MGST1: variants seen among roughly 807,000 people sequenced by gnomAD.
The protein encoded by MGST1 is microsomal glutathione S-transferase 1.
MGST1 carries 5 observed loss-of-function variants against 8.9 expected under a neutral mutation model. The ratio of observed to expected loss-of-function variants is 0.56; its 90% CI spans 0.29 to 1.19. The LOEUF is 1.19. Ranked by LOEUF, MGST1 falls within the 50% of genes most tolerant of loss-of-function variation. The probability of loss-of-function intolerance (pLI) is 0.08; values close to 1 mark genes in which losing one functional copy is unlikely to be tolerated. For synonymous variants in MGST1, 54 were observed against 67.8 expected, an observed-to-expected ratio of 0.80 and a Z score of 1.00; for missense variants, 182 against 187.4, an observed-to-expected ratio of 0.97 and a Z score of 0.17.
rs944143180 is a variant in MGST1 at position 16,586,198 on chromosome 12, A to T, written n.483-3330A>T. 6.6e-6 allele frequency among the ~76,000 whole-genome samples: 1 copy of T among 152,224 alleles called. No individual in the cohort carries two copies. The highest frequency in any genetic ancestry group is 1.5e-5 in the Non-Finnish European group (1 of 68,040). On this transcript the variant is annotated intron_variant and non_coding_transcript_variant, in intron 4 of 4. Coordinates refer to the MGST1 transcript ENST00000538857. This position sits in a 1 kb window ranked among gnomAD's most constrained non-coding sequence, Gnocchi z 4.3. ...CCAGTTTTTCAGGTAATCTGCCATA[A>T]ATACTATTTCCTTCAGATGACTTCT...
In MGST1 at chr12:16,401,411, GC is replaced by G. The variant is rs1940654747; in HGVS notation, n.778+17808del. The stretch of plus-strand genomic sequence containing the variant: ...CTGGTAATTTTGTTCAGGAGTTCTG[GC>G]TTCTGCTTTTTAGCCACGTCCATGA... On this transcript the variant is annotated intron_variant and non_coding_transcript_variant, in intron 1 of 1. Transcript: ENST00000359720. This position sits in a 1 kb window ranked among gnomAD's most constrained non-coding sequence, Gnocchi z 4.3. The G allele has an allele frequency of 1.0e-6, 1 of 981,288 alleles. No individual in the cohort carries two copies. The highest frequency in any genetic ancestry group is 1.6e-6 in the Non-Finnish European group (1 of 608,300). The allele number at this position is 981,288 out of a possible 1,614,324, so 60.8% of individuals were successfully genotyped here.
chr12:16,476,122 A>C (rs1418284415), intron 4 of MGST1, among the ~76,000 whole-genome samples: 1 of 152,150 alleles, frequency 6.6e-6, no homozygotes, highest in Non-Finnish European at 1.5e-5. Flanking sequence ...ACAATAAAAA[A>C]AGTGGAAAGG....
intron 4 of MGST1, among the ~76,000 whole-genome samples, chr12:16,498,303 G>A (rs1457184447): frequency 6.6e-6 from 1 of 152,106 alleles, no homozygotes; most frequent in African/African-American, 2.4e-5. Flanking sequence ...ATCTCTCCCT[G>A]GAAGCCATCA....
At chr12:16,495,230 C>G (rs1307674238) in intron 4 of MGST1, among the ~76,000 whole-genome samples, 1 of 152,070 alleles carries the variant, frequency 6.6e-6, no homozygotes, top group Non-Finnish European at 1.5e-5. Context: ...AAACCAAATG[C>G]TGTGTTTTCT....
intron 2 of MGST1, among the ~76,000 whole-genome samples, chr12:16,356,976 A>G (rs186097367): frequency 1.0e-3 from 155 of 152,340 alleles, no homozygotes; most frequent in African/African-American, 3.6e-3. Context: ...TGAAAAAGAT[A>G]CCAGTGAACC....
chr12:16,362,218 C>T lies in MGST1; in HGVS notation c.222-1577C>T, dbSNP rs3815566. 0.091 allele frequency among the ~76,000 whole-genome samples: 13,885 copies of T among 152,136 alleles called. 718 individuals are homozygous for T. The highest frequency in any genetic ancestry group is 0.22 in the East Asian group (1,150 of 5,138). ...CCTTCTTTAATAGAAAATGGTATTCCTGTCTTTTCTTTCCCATCTCATTCT... is the reference window on the plus strand; with the variant it reads ...CCTTCTTTAATAGAAAATGGTATTCTTGTCTTTTCTTTCCCATCTCATTCT... On this transcript the variant is annotated intron_variant, in intron 3 of 3. Transcript: ENST00000396210. The surrounding 1 kb of genome is among the most constrained non-coding windows in gnomAD (Gnocchi z 4.4).
intron 4 of MGST1, among the ~76,000 whole-genome samples, chr12:16,533,005 T>TGAGC (rs1302779709): frequency 6.6e-6 from 1 of 152,166 alleles, no homozygotes; most frequent in Non-Finnish European, 1.5e-5. Context: ...GGAAAACATG[T>TGAGC]GAGCATAGCT....
chr12:16,583,798 C>G (rs1161829174), intron 4 of MGST1, among the ~76,000 whole-genome samples: 1 of 152,008 alleles, frequency 6.6e-6, no homozygotes, highest in Non-Finnish European at 1.5e-5. Context: ...TGGGAGGAGA[C>G]ACAGAAGATG....
chr12:16,429,301 G>A (rs1419668046), intron 1 of MGST1, among the ~76,000 whole-genome samples: 1 of 152,088 alleles, frequency 6.6e-6, no homozygotes, highest in Non-Finnish European at 1.5e-5. Flanking sequence ...ATGCTGAGCA[G>A]TTTGAACTAC....
At chr12:16,474,994 C>T (rs1941312274) in intron 4 of MGST1, among the ~76,000 whole-genome samples, 1 of 152,108 alleles carries the variant, frequency 6.6e-6, no homozygotes, top group African/African-American at 2.4e-5. Flanking sequence ...GGCTAATGCA[C>T]CATGTGAACA....
chr12:16,533,478 C>CT (rs1471189237), intron 4 of MGST1, among the ~76,000 whole-genome samples: 1 of 152,066 alleles, frequency 6.6e-6, no homozygotes, highest in African/African-American at 2.4e-5. Flanking sequence ...TTGAGCCTTG[C>CT]TTTTTTCTCG....
At chr12:16,495,407 G>A (rs1941463377) in intron 4 of MGST1, among the ~76,000 whole-genome samples, 1 of 151,912 alleles carries the variant, frequency 6.6e-6, no homozygotes, top group African/African-American at 2.4e-5. Flanking sequence ...CCAAACATCA[G>A]TATTGCACAA....
intron 1 of MGST1, among the ~76,000 whole-genome samples, chr12:16,353,048 G>A (rs1242752673): frequency 6.7e-6 from 1 of 150,268 alleles, no homozygotes; most frequent in Non-Finnish European, 1.5e-5. Flanking sequence ...TTTTTTTGGA[G>A]GGGGAGACAG....
rs949116197 is a variant in MGST1, at chr12:16,361,246, G to A, written c.222-2549G>A. On this transcript the variant is annotated intron_variant, in intron 3 of 3. Transcript: ENST00000396210. The surrounding 1 kb of genome is among the most constrained non-coding windows in gnomAD (Gnocchi z 4.2). ...AAAAGCCTGCTGTGCAGCTCCTTTT[G>A]TAGTTGTTCACAGCCTGACAATCCC... Among the ~76,000 whole-genome samples, 1 of 152,182 alleles carries A rather than the reference G, an allele frequency of 6.6e-6. No homozygotes were observed. The highest frequency in any genetic ancestry group is 2.4e-5 in the African/African-American group (1 of 41,452).
chr12:16,395,794 T>TACACACAC (rs71054815), intron 1 of MGST1, among the ~76,000 whole-genome samples: 6 of 133,410 alleles, frequency 4.5e-5, no homozygotes, highest in South Asian at 2.3e-4. Flanking sequence ...TATATATATA[T>TACACACAC]ATATATATAT....
At chr12:16,525,295 CT>C (rs1314209042) in intron 4 of MGST1, among the ~76,000 whole-genome samples, 1 of 124,746 alleles carries the variant, frequency 8.0e-6, no homozygotes, top group East Asian at 2.8e-4. Context: ...TCCCTCCCCC[CT>C]CCCCCCACCC....
downstream of MGST1, among the ~76,000 whole-genome samples, chr12:16,366,656 CACACACACATACACACACACAT>C (rs1940196857): frequency 3.5e-5 from 2 of 56,624 alleles, no homozygotes; most frequent in East Asian, 7.9e-4. This position sits in a 1 kb window ranked among gnomAD's most constrained non-coding sequence, Gnocchi z 4.0. Flanking sequence ...CACACACACA[CACACACACATACACACACACAT>C]ACTACCATCA....
intron 3 of MGST1, among the ~76,000 whole-genome samples, chr12:16,359,236 A>C (rs932870606): frequency 6.6e-5 from 10 of 152,040 alleles, no homozygotes; most frequent in African/African-American, 2.4e-4. Flanking sequence ...TACCTCCTTC[A>C]CGCAAGCAAT....
chr12:16,447,588 G>A (rs1448998943), intron 4 of MGST1, among the ~76,000 whole-genome samples: 2 of 151,952 alleles, frequency 1.3e-5, no homozygotes, highest in East Asian at 3.9e-4. Flanking sequence ...GATCTCATAT[G>A]TCGGGATACC....
Sources: allele counts gnomAD v4.1 joint callset (sites outside exome capture counted in the v4.1 genomes callset), GRCh38; gene constraint gnomAD v4.1.1; non-coding constraint Gnocchi (gnomAD v3.1); transcripts MANE v1.5; gene names NCBI Gene and HGNC (gene_info 2026-07-23, HGNC 2026-07-21).